The following SSBP3 variants were observed in gnomAD, a reference collection of about 807,000 sequenced individuals.
SSBP3 encodes single-stranded DNA-binding protein 3.
Under a neutral mutation model 69.6 loss-of-function variants are expected in SSBP3, and 5 were observed. The observed-to-expected ratio is 0.07, with a 90% confidence interval of 0.04 to 0.15. The LOEUF is 0.15. Among genes scored for constraint, SSBP3 ranks in the 10% least tolerant of loss-of-function variants. SSBP3 has a pLI of 1.00. For synonymous variants in SSBP3, 196 were observed against 193.4 expected (o/e 1.01, Z -0.11); for missense variants, 312 against 534.0 (o/e 0.58, Z 4.10).
At chr1:54,332,348 G>C (rs531203688) in intron 4 of SSBP3, among the ~76,000 whole-genome samples, 8 of 152,206 alleles carry the variant, frequency 5.3e-5, no homozygotes, top group Non-Finnish European at 1.0e-4. Context: ...GAAACTAAAA[G>C]TGGAGCAGGG....
chr1:54,374,778 A>G (rs998538014), intron 4 of SSBP3, among the ~76,000 whole-genome samples: 2 of 152,124 alleles, frequency 1.3e-5, no homozygotes, highest in East Asian at 3.9e-4. Context: ...ACCCCACCTA[A>G]TCCAACGTGA....
intron 6 of SSBP3, 190 bp from the exon 7 acceptor site, chr1:54,257,376 A>T: frequency 1.9e-6 from 1 of 535,152 alleles, no homozygotes; most frequent in Non-Finnish European, 3.2e-6. Flanking sequence ...CACACAACAA[A>T]TGTGTCTCTT....
chr1:54,243,216 C>G lies in SSBP3; in HGVS notation c.716+19G>C, dbSNP rs756684840. 6.2e-7 allele frequency: 1 copy of G among 1,612,810 alleles called. No homozygotes were observed. Among genetic ancestry groups the G allele is most frequent in the African/African-American group, 1.3e-5 (1 of 74,954 alleles). ...AAGACCTGGACTCTGAGCCACGGGC[C>G]GGGTCGTTTTTGCCTTACATGTTAA... On this transcript the variant is annotated intron_variant, in intron 10 of 17. Transcript: ENST00000610401.
At chr1:54,382,644 A>T (rs1647738636) in intron 4 of SSBP3, among the ~76,000 whole-genome samples, 1 of 152,158 alleles carries the variant, frequency 6.6e-6, no homozygotes, top group South Asian at 2.1e-4. Flanking sequence ...GTTTAAAGGC[A>T]GTAAGCATTT....
chr1:54,363,391 CTTAGCACAATTCAAAAGTAT>C (rs372420435), intron 4 of SSBP3, among the ~76,000 whole-genome samples: 10,171 of 152,152 alleles, frequency 0.067, 842 homozygotes, highest in African/African-American at 0.2. Flanking sequence ...AGAAAAAGTA[CTTAGCACAATTCAAAAGTAT>C]TTAGCACAAT....
In SSBP3 at chr1:54,289,019, CCAAAAAAAAAAAAAAAACAAAAAAA is replaced by C. The variant is rs1355998526; in HGVS notation, c.277-7517_277-7493del. On this transcript the variant is annotated intron_variant, in intron 4 of 17. Coordinates refer to ENST00000610401, the Ensembl canonical transcript of SSBP3. ...TGGGCGACAGAGCTAGACTCTGTCT[CCAAAAAAAAAAAAAAAACAAAAAAA>C]CAAAAAAAAAAAACAGTAATGTCCC... 1.2e-4 allele frequency among the ~76,000 whole-genome samples: 5 copies of C among 40,448 alleles called. No homozygotes were observed. In the East Asian group the frequency reaches 0.013, roughly 105 times the overall value. 26.5% of individuals were successfully genotyped at this position (40,448 alleles called of 152,430 possible).
At chr1:54,409,241 C>T (rs1024536721), upstream of SSBP3, among the ~76,000 whole-genome samples, 10 of 152,108 alleles carry the variant, frequency 6.6e-5, no homozygotes, top group African/African-American at 2.4e-4. Flanking sequence ...CATCCCCTCC[C>T]TCCAGTGCCA....
intron 4 of SSBP3, among the ~76,000 whole-genome samples, chr1:54,345,307 G>T (rs1294420287): frequency 1.3e-5 from 2 of 152,092 alleles, no homozygotes; most frequent in Non-Finnish European, 2.9e-5. Flanking sequence ...CGCAATATTT[G>T]CCCTTCCAAT....
In SSBP3 at chr1:54,239,178, T is replaced by C; in HGVS notation, c.878A>G (p.Asn293Ser). 4 of 1,613,200 alleles carry C rather than the reference T, an allele frequency of 2.5e-6. 1 individual carries two copies. Among genetic ancestry groups the C allele is most frequent in the Non-Finnish European group, 3.4e-6 (4 of 1,179,660 alleles). ...CACTGGATTAATCATTGTGTAGATGTTGTCACTGGAATTTGTTGAATCTGT... is the reference window on the plus strand; with the variant it reads ...CACTGGATTAATCATTGTGTAGATGCTGTCACTGGAATTTGTTGAATCTGT... The change falls in exon 14 of 18, where the codon AAC becomes AGC. Residue 293 changes from asparagine to serine, a missense_variant. Coordinates refer to ENST00000610401, the Ensembl canonical transcript of SSBP3.
At chr1:54,293,256 T>A (rs1050084327) in intron 4 of SSBP3, among the ~76,000 whole-genome samples, 8 of 151,722 alleles carry the variant, frequency 5.3e-5, no homozygotes, top group African/African-American at 1.5e-4. Context: ...AACACACACA[T>A]CGCTTAGGAT....
chr1:54,305,698 TCCTCCCACCTTGG>T (rs1645888046), intron 4 of SSBP3, among the ~76,000 whole-genome samples: 1 of 151,206 alleles, frequency 6.6e-6, no homozygotes, highest in South Asian at 2.1e-4. Flanking sequence ...GCTCATGTGA[TCCTCCCACCTTGG>T]CCTCCCAAAG....
At chr1:54,335,423 CA>C (rs955821911) in intron 4 of SSBP3, among the ~76,000 whole-genome samples, 59 of 152,288 alleles carry the variant, frequency 3.9e-4, no homozygotes, top group African/African-American at 1.4e-3. Context: ...AGACAAGAGA[CA>C]AAAACCACCT....
intron 4 of SSBP3, among the ~76,000 whole-genome samples, chr1:54,397,191 A>G (rs1008296892): frequency 6.6e-6 from 1 of 152,326 alleles, no homozygotes; most frequent in East Asian, 1.9e-4. Flanking sequence ...GGCTTATCAC[A>G]GGGCAGCACA....
At chr1:54,409,243 C>G (rs1252053937), upstream of SSBP3, among the ~76,000 whole-genome samples, 1 of 152,088 alleles carries the variant, frequency 6.6e-6, no homozygotes, top group East Asian at 1.9e-4. Flanking sequence ...TCCCCTCCCT[C>G]CAGTGCCATC....
chr1:54,257,162 C>G, exon 7 of SSBP3: 1 of 1,602,962 alleles, frequency 6.2e-7, no homozygotes, highest in Non-Finnish European at 8.5e-7. Context: ...CTGGGGCCGC[C>G]TGCGTATCGC....
In SSBP3 at chr1:54,268,771, A is replaced by T. The variant is rs182914684; in HGVS notation, c.367-10622T>A. Among the ~76,000 whole-genome samples, 193 of 152,308 alleles carry T rather than the reference A, an allele frequency of 1.3e-3. 1 individual carries two copies. Among genetic ancestry groups the T allele is most frequent in the African/African-American group, 4.4e-3 (183 of 41,566 alleles). ...AGCAACAGGATGGAGCAGGGGAAGA[A>T]CCAGGACTCTGGGAGACACAGATGT... On this transcript the variant is annotated intron_variant, in intron 5 of 17. Coordinates refer to ENST00000610401, the Ensembl canonical transcript of SSBP3.
intron 4 of SSBP3, among the ~76,000 whole-genome samples, chr1:54,379,529 T>C (rs1405879624): frequency 2.0e-5 from 3 of 152,162 alleles, no homozygotes; most frequent in Non-Finnish European, 4.4e-5. Context: ...TTGATTTTGG[T>C]TGGAATTTGA....
intron 4 of SSBP3, among the ~76,000 whole-genome samples, chr1:54,302,094 C>A (rs12730301): frequency 0.25 from 37,556 of 152,136 alleles, 5,388 homozygotes; most frequent in Middle Eastern, 0.38. Context: ...GTGCCTGCCA[C>A]TCCCACTCAT....
chr1:54,359,369 G>A (rs909954782), intron 4 of SSBP3, among the ~76,000 whole-genome samples: 1 of 152,172 alleles, frequency 6.6e-6, no homozygotes, highest in African/African-American at 2.4e-5. Context: ...AGAGGCTGCA[G>A]AAGAAACCAG....
Sources: gnomAD v4.1 joint callset for allele counts (sites outside exome capture counted in the v4.1 genomes callset) on GRCh38, gnomAD v4.1.1 for gene constraint, MANE v1.5 for transcripts, NCBI Gene and HGNC (gene_info 2026-07-23, HGNC 2026-07-21) for gene names.